OSBPL6: variants seen among roughly 807,000 people sequenced by gnomAD.
OSBPL6 encodes oxysterol-binding protein-related protein 6.
In OSBPL6, 49 loss-of-function variants were observed where a neutral mutation model predicts 125.8. The ratio of observed to expected loss-of-function variants is 0.39; its 90% CI spans 0.31 to 0.49. The LOEUF (loss-of-function observed/expected upper bound fraction) is 0.49, where lower values mean the gene tolerates loss of function less well. OSBPL6 is among the 20% of genes least tolerant of loss of function. The pLI is 0.88. For missense variants in OSBPL6, 986 were observed against 1,135.4 expected, an observed-to-expected ratio of 0.87 and a Z score of 1.89; for synonymous variants, 394 against 391.8, an observed-to-expected ratio of 1.01 and a Z score of -0.07.
At chr2:178,365,077 G>A (rs1692700703) in intron 13 of OSBPL6, among the ~76,000 whole-genome samples, 1 of 152,144 alleles carries the variant, frequency 6.6e-6, no homozygotes, top group Non-Finnish European at 1.5e-5. Context: ...TTGGGAGGTT[G>A]AGGCAGGAGA....
chr2:178,276,114 A>G (rs1010139418), intron 1 of OSBPL6, among the ~76,000 whole-genome samples: 4 of 152,170 alleles, frequency 2.6e-5, no homozygotes, highest in Non-Finnish European at 5.9e-5. Flanking sequence ...TATCAAGTAA[A>G]TATATTACGA....
At chr2:178,250,327 A>C (rs2091648344) in intron 1 of OSBPL6, among the ~76,000 whole-genome samples, 1 of 152,076 alleles carries the variant, frequency 6.6e-6, no homozygotes, top group African/African-American at 2.4e-5. Context: ...CTATCTTTCA[A>C]ATATATCTTG....
intron 2 of OSBPL6, among the ~76,000 whole-genome samples, chr2:178,303,925 A>G (rs530914620): frequency 1.3e-5 from 2 of 152,204 alleles, no homozygotes; most frequent in South Asian, 4.2e-4. Context: ...ATCACCCTTT[A>G]GTAACACAAA....
intron 1 of OSBPL6, among the ~76,000 whole-genome samples, chr2:178,221,541 C>A (rs149238979): frequency 6.6e-6 from 1 of 152,254 alleles, no homozygotes; most frequent in Non-Finnish European, 1.5e-5. Context: ...AAATCTTTGT[C>A]GATTATGTAC....
rs1428673805 is a variant in OSBPL6, at chr2:178,396,754, G to T, written c.*1195G>T. On this transcript the variant is annotated 3_prime_UTR_variant, in exon 25 of 25. Coordinates refer to ENST00000190611, the MANE Select transcript of OSBPL6 (RefSeq NM_032523.4). ...CATATTAAGCATTTACCTTGCTATT[G>T]GCAGAGATATGAAACTTAAGCTAAG... 2.6e-5 allele frequency: 4 copies of T among 152,136 alleles called. No individual in the cohort carries two copies. Among genetic ancestry groups the T allele is most frequent in the African/African-American group, 9.7e-5 (4 of 41,432 alleles). The allele number at this position is 152,136 out of a possible 1,614,324, so 9.4% of individuals were successfully genotyped here.
At chr2:178,385,216 C>T (rs765006697) in intron 18 of OSBPL6, among the ~76,000 whole-genome samples, 23 of 151,806 alleles carry the variant, frequency 1.5e-4, no homozygotes, top group Admixed American at 6.6e-4. Flanking sequence ...CACATGTATC[C>T]CAGAACTTAA....
intron 2 of OSBPL6, among the ~76,000 whole-genome samples, chr2:178,303,300 G>A (rs942763567): frequency 3.3e-5 from 5 of 152,072 alleles, no homozygotes; most frequent in Admixed American, 1.3e-4. Flanking sequence ...TTTTTCCTGC[G>A]GTGACAGTGA....
At chr2:178,218,633 C>T (rs1266689687) in intron 1 of OSBPL6, among the ~76,000 whole-genome samples, 5 of 137,392 alleles carry the variant, frequency 3.6e-5, no homozygotes, top group African/African-American at 5.5e-5. Context: ...TTCTTTCTTT[C>T]TTTTTTTTTT....
rs369931780 is a variant in OSBPL6 at position 178,401,134 on chromosome 2, C to G, written c.*5575C>G. The G allele has an allele frequency of 2.0e-5, 3 of 152,276 alleles. No homozygotes were observed. The highest frequency in any genetic ancestry group is 2.9e-5 in the Non-Finnish European group (2 of 68,012). 9.4% of individuals were successfully genotyped at this position (152,276 alleles called of 1,614,324 possible). ...ACTTGGTGGTGGCGCTGAGGAAACC[C>G]TGGGAAGTGTTTTTCTCTTCTGTGT... On this transcript the variant is annotated 3_prime_UTR_variant, in exon 25 of 25. Transcript: ENST00000190611.
intron 2 of OSBPL6, among the ~76,000 whole-genome samples, chr2:178,295,139 C>T (rs1256797916): frequency 6.6e-6 from 1 of 151,970 alleles, no homozygotes; most frequent in Non-Finnish European, 1.5e-5. Flanking sequence ...TCTTCTTTCA[C>T]GTGTTAGGGG....
intron 3 of OSBPL6, chr2:178,323,457 A>ATTTT (rs1688423232): frequency 6.6e-6 from 1 of 151,812 alleles, no homozygotes; most frequent in Non-Finnish European, 1.5e-5. Context: ...AAGGCTCTGG[A>ATTTT]TTTTTATTTA....
intron 1 of OSBPL6, among the ~76,000 whole-genome samples, chr2:178,204,683 T>C (rs1347479047): frequency 6.6e-6 from 1 of 152,204 alleles, no homozygotes; most frequent in Non-Finnish European, 1.5e-5. Flanking sequence ...GTCCCCCAGA[T>C]ATCTGTTGAA....
At chr2:178,214,982 T>C (rs2153961616) in intron 1 of OSBPL6, among the ~76,000 whole-genome samples, 1 of 152,130 alleles carries the variant, frequency 6.6e-6, no homozygotes, top group African/African-American at 2.4e-5. Context: ...CGGCAATGCC[T>C]GGATTAGTAT....
chr2:178,361,307 C>T (rs1225500593), intron 12 of OSBPL6, among the ~76,000 whole-genome samples: 1 of 152,214 alleles, frequency 6.6e-6, no homozygotes, highest in Non-Finnish European at 1.5e-5. Flanking sequence ...CTTTATGCTA[C>T]ACAGAACTGC....
intron 3 of OSBPL6, among the ~76,000 whole-genome samples, chr2:178,315,250 C>T (rs58505502): frequency 0.043 from 6,613 of 152,220 alleles, 312 homozygotes; most frequent in East Asian, 0.18. Flanking sequence ...TTCTTGGCAT[C>T]GCCACCTTTT....
chr2:178,339,554 G>A, intron 10 of OSBPL6, 118 bp from the exon 11 acceptor site: 1 of 600,700 alleles, frequency 1.7e-6, no homozygotes. Context: ...TGTCCTGGCT[G>A]GTTTGCTTAT....
rs755869462 is a variant in OSBPL6 at position 178,396,416 on chromosome 2, C to G, written c.*857C>G. The G allele has an allele frequency of 3.9e-5, 6 of 152,274 alleles. No individual in the cohort carries two copies. The highest frequency in any genetic ancestry group is 5.9e-5 in the Non-Finnish European group (4 of 68,084). The allele number at this position is 152,274 out of a possible 1,614,324, so 9.4% of individuals were successfully genotyped here. On this transcript the variant is annotated 3_prime_UTR_variant, in exon 25 of 25. Coordinates refer to ENST00000190611, the MANE Select transcript of OSBPL6 (RefSeq NM_032523.4). ...ACCATCCCTCTTCCACCTAACCTCACAGTGTGCCCTATTATTTGGAAAAAT... is the reference window on the plus strand; with the variant it reads ...ACCATCCCTCTTCCACCTAACCTCAGAGTGTGCCCTATTATTTGGAAAAAT...
At chr2:178,200,238 T>G (rs1192472006) in intron 1 of OSBPL6, among the ~76,000 whole-genome samples, 1 of 151,414 alleles carries the variant, frequency 6.6e-6, no homozygotes, top group Non-Finnish European at 1.5e-5. Flanking sequence ...AGGTTCTGTT[T>G]CTTCAGACCT....
chr2:178,339,785 TC>T, intron 11 of OSBPL6, 21 bp downstream of exon 11: 1 of 1,554,858 alleles, frequency 6.4e-7, no homozygotes, highest in South Asian at 1.2e-5. Context: ...TACTTTTCCT[TC>T]ATTCACGTTT....
Sources: gnomAD v4.1 joint callset for allele counts (sites outside exome capture counted in the v4.1 genomes callset) on GRCh38, gnomAD v4.1.1 for gene constraint, MANE v1.5 for transcripts, NCBI Gene and HGNC (gene_info 2026-07-23, HGNC 2026-07-21) for gene names.